Variants in CACNG3 observed in about 807,000 individuals in gnomAD.
CACNG3 encodes voltage-dependent calcium channel gamma-3 subunit.
Under a neutral mutation model 28.5 loss-of-function variants are expected in CACNG3, and 3 were observed. The ratio of observed to expected loss-of-function variants is 0.11; its 90% CI spans 0.05 to 0.27. The LOEUF is 0.27. Among genes scored for constraint, CACNG3 ranks in the 10% least tolerant of loss-of-function variants. CACNG3 has a pLI of 1.00. For synonymous variants in CACNG3, 174 were observed against 162.2 expected (o/e 1.07, Z -0.55); for missense variants, 236 against 414.4 (o/e 0.57, Z 3.74).
At chr16:24,346,621 C>T in intron 1 of CACNG3, 113 bp from the exon 2 acceptor site, 1 of 709,578 alleles carries the variant, frequency 1.4e-6, no homozygotes, top group Non-Finnish European at 2.5e-6. Flanking sequence ...GCCCAACAAC[C>T]CTACAGCCCC....
At chr16:24,310,421 G>A (rs770219899) in intron 1 of CACNG3, among the ~76,000 whole-genome samples, 20 of 152,146 alleles carry the variant, frequency 1.3e-4, no homozygotes, top group Admixed American at 4.6e-4. Flanking sequence ...AAAATTAGCC[G>A]GGTGTGGTGG....
intron 1 of CACNG3, among the ~76,000 whole-genome samples, chr16:24,310,197 G>A (rs1899241782): frequency 6.6e-6 from 1 of 152,228 alleles, no homozygotes; most frequent in South Asian, 2.1e-4. Flanking sequence ...CAAATTCAAT[G>A]TTTGAAAGTC....
intron 1 of CACNG3, among the ~76,000 whole-genome samples, chr16:24,307,604 T>C (rs1899202663): frequency 6.6e-6 from 1 of 152,184 alleles, no homozygotes; most frequent in African/African-American, 2.4e-5. Context: ...TGTCCTAGAG[T>C]GTGTATTCTG....
chr16:24,357,702 A>C (rs1231254332), intron 3 of CACNG3, among the ~76,000 whole-genome samples: 2 of 152,222 alleles, frequency 1.3e-5, no homozygotes, highest in African/African-American at 4.8e-5. Context: ...TGGCAAACCC[A>C]GGGACTTGTT....
chr16:24,295,249 A>G (rs1017323666), intron 1 of CACNG3, among the ~76,000 whole-genome samples: 1 of 152,090 alleles, frequency 6.6e-6, no homozygotes, highest in Non-Finnish European at 1.5e-5. Context: ...TCCTGGAGCT[A>G]TGGTATGTCA....
At chr16:24,320,991 C>G (rs551283041) in intron 1 of CACNG3, among the ~76,000 whole-genome samples, 16 of 152,214 alleles carry the variant, frequency 1.1e-4, no homozygotes, top group African/African-American at 3.9e-4. Flanking sequence ...CCTGAGCCTC[C>G]CAAAGCACTG....
rs949769984 is a variant in CACNG3, at chr16:24,290,628, G to A, written c.211+33663G>A. On this transcript the variant is annotated intron_variant, in intron 1 of 3. Coordinates refer to ENST00000005284, the MANE Select transcript of CACNG3 (RefSeq NM_006539.4). Reference sequence around the variant, plus strand: ...TTTATTTATTTATTTAGATAGAGATGGAGTCTCGCTATGTTCCCCAGACTG... The same window carrying A: ...TTTATTTATTTATTTAGATAGAGATAGAGTCTCGCTATGTTCCCCAGACTG... Among the ~76,000 whole-genome samples, 3 of 152,128 alleles carry A rather than the reference G, an allele frequency of 2.0e-5. No homozygotes were observed. The East Asian group carries it at 5.8e-4, about 29-fold the overall frequency.
intron 1 of CACNG3, among the ~76,000 whole-genome samples, chr16:24,272,461 C>T (rs1315828621): frequency 1.3e-5 from 2 of 151,994 alleles, no homozygotes; most frequent in African/African-American, 4.8e-5. Flanking sequence ...CACTCCACAA[C>T]TTTTTAACAA....
chr16:24,327,440 AT>A (rs1899568316), intron 1 of CACNG3, among the ~76,000 whole-genome samples: 1 of 106,084 alleles, frequency 9.4e-6, no homozygotes, highest in Non-Finnish European at 1.8e-5. Context: ...GTGTGTGTGT[AT>A]ATATATATAT....
chr16:24,289,087 C>G (rs1898931038), intron 1 of CACNG3, among the ~76,000 whole-genome samples: 1 of 152,128 alleles, frequency 6.6e-6, no homozygotes, highest in African/African-American at 2.4e-5. Flanking sequence ...GTGTCAGCAT[C>G]TTAAGGAAAC....
intron 1 of CACNG3, among the ~76,000 whole-genome samples, chr16:24,324,583 T>C (rs1283467320): frequency 2.0e-5 from 3 of 152,154 alleles, no homozygotes; most frequent in African/African-American, 7.2e-5. Context: ...CCACCCCAGA[T>C]CATTCTCCAT....
rs1555461115 is a variant in CACNG3 at position 24,327,422 on chromosome 16, A to ATATGTGTGTG, written c.212-19311_212-19310insATGTGTGTGT. Among the ~76,000 whole-genome samples the ATATGTGTGTG allele has an allele frequency of 1.4e-4, 14 of 101,764 alleles. No individual in the cohort carries two copies. In the East Asian group the frequency reaches 2.2e-3, roughly 16 times the overall value. 66.8% of individuals were successfully genotyped at this position (101,764 alleles called of 152,430 possible). A position where few individuals can be genotyped will look rare whatever the true frequency, so the allele number is the denominator to read the frequency against. On this transcript the variant is annotated intron_variant, in intron 1 of 3. Transcript: ENST00000005284. ...AGAACTTGTTTCTACGAATATATAT[A>ATATGTGTGTG]TGTGTGTGTGTGTGTGTATATATAT...
chr16:24,309,814 G>A (rs183542676), intron 1 of CACNG3, among the ~76,000 whole-genome samples: 20 of 152,310 alleles, frequency 1.3e-4, no homozygotes, highest in African/African-American at 3.6e-4. Flanking sequence ...AGGGCGTGGC[G>A]CATGCTAAGG....
intron 1 of CACNG3, among the ~76,000 whole-genome samples, chr16:24,290,365 G>T (rs562569809): frequency 6.6e-6 from 1 of 152,308 alleles, no homozygotes; most frequent in East Asian, 1.9e-4. Context: ...GATAAGGGTA[G>T]TTCATAAGGT....
At chr16:24,269,787 A>AAAAG (rs527400868) in intron 1 of CACNG3, among the ~76,000 whole-genome samples, 2,982 of 149,154 alleles carry the variant, frequency 0.02, 100 homozygotes, top group African/African-American at 0.068. Flanking sequence ...GAAAGAAAGA[A>AAAAG]AAAGAAAGAA....
chr16:24,279,828 T>C (rs1354482209), intron 1 of CACNG3, among the ~76,000 whole-genome samples: 1 of 152,118 alleles, frequency 6.6e-6, no homozygotes, highest in Non-Finnish European at 1.5e-5. Flanking sequence ...TGATCCCCTT[T>C]AGGATGAAAA....
At chr16:24,268,867 A>G (rs1048200669) in intron 1 of CACNG3, among the ~76,000 whole-genome samples, 1 of 151,994 alleles carries the variant, frequency 6.6e-6, no homozygotes, top group African/African-American at 2.4e-5. Flanking sequence ...TGGGTTTTAA[A>G]CTCTGCGTCA....
chr16:24,306,489 C>T (rs1278805796), intron 1 of CACNG3, among the ~76,000 whole-genome samples: 2 of 152,184 alleles, frequency 1.3e-5, no homozygotes, highest in Non-Finnish European at 2.9e-5. Context: ...CACCTCTGGA[C>T]TAATAAAGAT....
chr16:24,259,647 G>A (rs941712878), intron 1 of CACNG3, among the ~76,000 whole-genome samples: 1 of 152,156 alleles, frequency 6.6e-6, no homozygotes, highest in African/African-American at 2.4e-5. Flanking sequence ...CATGACAGCT[G>A]TCTGCAAATA....
Sources: allele counts gnomAD v4.1 joint callset (sites outside exome capture counted in the v4.1 genomes callset), GRCh38; gene constraint gnomAD v4.1.1; transcripts MANE v1.5; gene names NCBI Gene and HGNC (gene_info 2026-07-23, HGNC 2026-07-21).